CHRM3: variants seen among roughly 807,000 people sequenced by gnomAD.
CHRM3 encodes the protein muscarinic acetylcholine receptor M3.
CHRM3 carries 11 observed loss-of-function variants against 41.8 expected under a neutral mutation model. That is an observed-to-expected ratio of 0.26 (90% CI 0.17 to 0.44). The LOEUF is 0.44. Ranked by LOEUF, CHRM3 falls within the 20% of genes least tolerant of loss-of-function variation. The pLI is 1.00. For missense variants in CHRM3, 571 were observed against 745.4 expected, an observed-to-expected ratio of 0.77 and a Z score of 2.72; for synonymous variants, 297 against 301.4, an observed-to-expected ratio of 0.99 and a Z score of 0.15.
intron 1 of CHRM3, among the ~76,000 whole-genome samples, chr1:239,431,236 TC>T (rs1662810555): frequency 6.6e-6 from 1 of 152,154 alleles, no homozygotes; most frequent in South Asian, 2.1e-4. Flanking sequence ...TTGTTTATTG[TC>T]CCCCTAAAAT....
At chr1:239,485,813 C>G (rs1199163054) in intron 1 of CHRM3, among the ~76,000 whole-genome samples, 1 of 152,184 alleles carries the variant, frequency 6.6e-6, no homozygotes. Context: ...CCTGTCAACA[C>G]TAGAAGATTG....
At chr1:239,668,825 A>C (rs1573215738) in intron 4 of CHRM3, among the ~76,000 whole-genome samples, 1 of 152,188 alleles carries the variant, frequency 6.6e-6, no homozygotes, top group East Asian at 1.9e-4. Flanking sequence ...AGTCTTGCTC[A>C]TTAGAAAGAC....
chr1:239,743,145 C>T (rs1665008940), intron 5 of CHRM3, among the ~76,000 whole-genome samples: 1 of 152,174 alleles, frequency 6.6e-6, no homozygotes, highest in African/African-American at 2.4e-5. Context: ...TTTTACTACT[C>T]ATTTTATTTA....
intron 1 of CHRM3, among the ~76,000 whole-genome samples, chr1:239,413,333 A>G (rs956777080): frequency 6.6e-6 from 1 of 152,110 alleles, no homozygotes; most frequent in African/African-American, 2.4e-5. Context: ...TCTGTCGCCC[A>G]GGCTGGAGTG....
chr1:239,544,458 C>T (rs1659093883), intron 2 of CHRM3, among the ~76,000 whole-genome samples: 1 of 152,224 alleles, frequency 6.6e-6, no homozygotes, highest in African/African-American at 2.4e-5. Flanking sequence ...ATTAAACTGA[C>T]TGCTAACTAG....
chr1:239,796,655 C>T (rs1269014831), intron 5 of CHRM3, among the ~76,000 whole-genome samples: 1 of 151,970 alleles, frequency 6.6e-6, no homozygotes, highest in Non-Finnish European at 1.5e-5. Context: ...AAGGCCAGTT[C>T]CCAGAACTCC....
intron 3 of CHRM3, among the ~76,000 whole-genome samples, chr1:239,630,260 T>A (rs1028598755): frequency 1.3e-5 from 2 of 152,262 alleles, no homozygotes; most frequent in African/African-American, 4.8e-5. Flanking sequence ...ATTTACTTAT[T>A]TAAAATGATC....
chr1:239,899,556 G>A (rs1394575537), intron 6 of CHRM3, among the ~76,000 whole-genome samples: 1 of 151,340 alleles, frequency 6.6e-6, no homozygotes, highest in Non-Finnish European at 1.5e-5. Context: ...CAATTAGTGT[G>A]TGTGTGTAGT....
intron 5 of CHRM3, among the ~76,000 whole-genome samples, chr1:239,730,208 TA>T (rs1453877352): frequency 1.3e-5 from 2 of 152,032 alleles, no homozygotes; most frequent in African/African-American, 4.8e-5. Flanking sequence ...TTTTAACTTT[TA>T]ATATGTTATA....
intron 2 of CHRM3, among the ~76,000 whole-genome samples, chr1:239,495,426 A>G (rs1207859697): frequency 6.6e-6 from 1 of 151,390 alleles, no homozygotes; most frequent in East Asian, 1.9e-4. Flanking sequence ...CCTTCTCTCC[A>G]CTCCTTCAAG....
chr1:239,458,747 T>C (rs1665143587), intron 1 of CHRM3, among the ~76,000 whole-genome samples: 1 of 152,156 alleles, frequency 6.6e-6, no homozygotes. Context: ...CTGCATTAGT[T>C]TTCACTGCAT....
intron 2 of CHRM3, among the ~76,000 whole-genome samples, chr1:239,505,849 A>G (rs888087514): frequency 1.3e-5 from 2 of 152,116 alleles, no homozygotes; most frequent in Non-Finnish European, 2.9e-5. Flanking sequence ...AGTATAAGAC[A>G]GTAAGTTCCA....
intron 1 of CHRM3, among the ~76,000 whole-genome samples, chr1:239,398,196 G>A (rs1018742839): frequency 2.0e-5 from 3 of 152,054 alleles, no homozygotes; most frequent in Non-Finnish European, 4.4e-5. Flanking sequence ...TGAATCAATA[G>A]GAGACTTTTG....
intron 6 of CHRM3, among the ~76,000 whole-genome samples, chr1:239,872,435 C>G (rs1489146890): frequency 6.6e-6 from 1 of 152,128 alleles, no homozygotes; most frequent in Non-Finnish European, 1.5e-5. Context: ...GAGTAGCTAT[C>G]CTGAAAAGTA....
intron 5 of CHRM3, among the ~76,000 whole-genome samples, chr1:239,720,606 G>A (rs1662870019): frequency 6.6e-6 from 1 of 151,786 alleles, no homozygotes; most frequent in East Asian, 1.9e-4. Flanking sequence ...GCCTTAAAGG[G>A]TTTTATCTAT....
intron 6 of CHRM3, among the ~76,000 whole-genome samples, chr1:239,831,171 C>A (rs964371206): frequency 1.3e-5 from 2 of 152,126 alleles, no homozygotes; most frequent in Non-Finnish European, 2.9e-5. Flanking sequence ...CCCGAATGCA[C>A]CCTCACCAGT....
intron 4 of CHRM3, among the ~76,000 whole-genome samples, chr1:239,671,496 C>T (rs1191142854): frequency 6.6e-6 from 1 of 152,046 alleles, no homozygotes; most frequent in Admixed American, 6.6e-5. Flanking sequence ...CCCCCTTCAG[C>T]CTAGGAGGTG....
At chr1:239,487,311 T>C (rs1184784941) in intron 1 of CHRM3, among the ~76,000 whole-genome samples, 1 of 152,138 alleles carries the variant, frequency 6.6e-6, no homozygotes, top group African/African-American at 2.4e-5. Flanking sequence ...TTTCAGATAA[T>C]ATAGTCTTCA....
At chr1:239,597,199 T>G (rs1664876675) in intron 3 of CHRM3, among the ~76,000 whole-genome samples, 1 of 152,204 alleles carries the variant, frequency 6.6e-6, no homozygotes, top group Admixed American at 6.5e-5. Context: ...GCATTCATTT[T>G]TAGACATTTC....
Sources: gnomAD v4.1 joint callset for allele counts (sites outside exome capture counted in the v4.1 genomes callset) on GRCh38, gnomAD v4.1.1 for gene constraint, MANE v1.5 for transcripts, NCBI Gene and HGNC (gene_info 2026-07-23, HGNC 2026-07-21) for gene names.